The following KLHL18 variants were observed in gnomAD, a reference collection of about 807,000 sequenced individuals.
KLHL18 encodes the protein kelch like family member 18, also known as kelch-like protein 18.
KLHL18 carries 38 observed loss-of-function variants against 58.5 expected under a neutral mutation model. That is an observed-to-expected ratio of 0.65 (90% CI 0.50 to 0.85). KLHL18 has a LOEUF of 0.85. Ranked by LOEUF, KLHL18 falls within the 40% of genes least tolerant of loss-of-function variation. The pLI, the probability that KLHL18 is intolerant of heterozygous loss-of-function variation, is 0.00. For missense variants in KLHL18, 624 were observed against 778.4 expected, an observed-to-expected ratio of 0.80 and a Z score of 2.36; for synonymous variants, 303 against 301.9, an observed-to-expected ratio of 1.00 and a Z score of -0.04.
intron 1 of KLHL18, 21 bp downstream of exon 1, chr3:47,283,115 G>C: frequency 6.4e-7 from 1 of 1,560,112 alleles, no homozygotes; most frequent in Non-Finnish European, 8.7e-7. Context: ...CTGGGCGGCA[G>C]CGGGCTGAGG....
intron 8 of KLHL18, among the ~76,000 whole-genome samples, chr3:47,340,998 G>A (rs1704097514): frequency 1.3e-5 from 2 of 152,084 alleles, no homozygotes; most frequent in Non-Finnish European, 2.9e-5. Context: ...GTTCCAAAGT[G>A]GGTAGGATAT....
Position 47,329,976 on chromosome 3 carries a change from G to T in KLHL18, c.427G>T (p.Val143Leu), listed in dbSNP as rs370188377. ...ERLHPKNCLG[V>L]RQFAETMMCA... is the part of the protein sequence containing the mutation. Reference sequence around the variant, plus strand: ...GCTTCACCCAAAAAACTGCCTGGGTGTGCGCCAGTTTGCTGAGACAATGAT... The same window carrying T: ...GCTTCACCCAAAAAACTGCCTGGGTTTGCGCCAGTTTGCTGAGACAATGAT... Residue 143 changes from valine (V) to leucine (L), a missense_variant, in exon 4 of 10, where the codon GTG becomes TTG. Transcript: ENST00000232766. The T allele has an allele frequency of 6.2e-7, 1 of 1,614,038 alleles. No individual in the cohort carries two copies. The highest frequency in any genetic ancestry group is 8.5e-7 in the Non-Finnish European group (1 of 1,180,018).
chr3:47,316,365 G>C (rs1703421591), intron 1 of KLHL18, among the ~76,000 whole-genome samples: 1 of 151,452 alleles, frequency 6.6e-6, no homozygotes, highest in Non-Finnish European at 1.5e-5. Flanking sequence ...ACTCACGCCT[G>C]TAATCCCAGC....
At chr3:47,340,301 G>A (rs1236882737) in intron 7 of KLHL18, among the ~76,000 whole-genome samples, 1 of 152,104 alleles carries the variant, frequency 6.6e-6, no homozygotes, top group African/African-American at 2.4e-5. Flanking sequence ...AGGTAAATTC[G>A]ACCTTCACAT....
intron 1 of KLHL18, among the ~76,000 whole-genome samples, chr3:47,286,784 G>A (rs1444163245): frequency 6.6e-6 from 1 of 152,196 alleles, no homozygotes; most frequent in African/African-American, 2.4e-5. Context: ...TATAAGCCTG[G>A]CTGTTATTTT....
chr3:47,329,597 C>T (rs546577339), intron 3 of KLHL18, among the ~76,000 whole-genome samples: 1 of 152,218 alleles, frequency 6.6e-6, no homozygotes, highest in South Asian at 2.1e-4. Flanking sequence ...GAGATAATGC[C>T]CTGGACACTC....
rs746645415 is a variant in KLHL18 at position 47,283,011 on chromosome 3, T to A, written c.46T>A (p.Ser16Thr). ...AEELEDLVHF[S>T]VSELPSRGYG... ...GGAGCTGGAGGATCTGGTGCACTTC[T>A]CCGTGTCTGAGTTGCCTAGTCGCGG... Residue 16 changes from serine (S) to threonine (T), a missense_variant, in exon 1 of 10, where the codon TCC (serine) becomes ACC (threonine). Transcript: ENST00000232766. 6.2e-7 allele frequency: 1 copy of A among 1,610,498 alleles called. No individual in the cohort carries two copies. Among genetic ancestry groups the A allele is most frequent in the Admixed American group, 1.7e-5 (1 of 59,498 alleles).
chr3:47,293,454 T>C (rs2107581969), intron 1 of KLHL18, among the ~76,000 whole-genome samples: 1 of 152,332 alleles, frequency 6.6e-6, no homozygotes, highest in East Asian at 1.9e-4. Flanking sequence ...TTTCCTACTC[T>C]TTATTTTTGT....
intron 1 of KLHL18, chr3:47,287,140 C>T (rs1462527667): frequency 1.3e-5 from 2 of 152,072 alleles, no homozygotes; most frequent in Non-Finnish European, 1.5e-5. Context: ...TTCTTTTCTT[C>T]TTCTAAAATT....
intron 7 of KLHL18, chr3:47,337,134 A>G: frequency 4.4e-6 from 1 of 226,162 alleles, no homozygotes; most frequent in South Asian, 6.8e-5. Context: ...AATAAGGAGG[A>G]TTTACCTTTA....
At position 47,334,680 on chromosome 3, in the gene KLHL18, T is replaced by C; in HGVS notation, c.762-3T>C. The C allele has an allele frequency of 6.2e-7, 1 of 1,614,068 alleles. No individual in the cohort carries two copies. Among genetic ancestry groups the C allele is most frequent in the Non-Finnish European group, 8.5e-7 (1 of 1,179,970 alleles). ...TGTTCTAGCATCTTCCACCTTATTC[T>C]AGGGACCTGGTAGACGAAGCAAAGG... On this transcript the variant is annotated splice_polypyrimidine_tract_variant and splice_region_variant and intron_variant, in intron 5 of 9. Transcript: ENST00000232766. The surrounding 1 kb of genome is among the most constrained non-coding windows in gnomAD (Gnocchi z 4.7).
chr3:47,324,679 A>T (rs548097242), intron 3 of KLHL18, among the ~76,000 whole-genome samples: 46 of 151,910 alleles, frequency 3.0e-4, no homozygotes, highest in Admixed American at 3.9e-4. Flanking sequence ...CAAAAAAAAA[A>T]TTTTTTTAAT....
chr3:47,289,058 A>G (rs994687544), intron 1 of KLHL18, among the ~76,000 whole-genome samples: 2 of 152,070 alleles, frequency 1.3e-5, no homozygotes, highest in African/African-American at 2.4e-5. Flanking sequence ...TTTTTCCCCT[A>G]TGCTTCTGTA....
In KLHL18 at chr3:47,343,760, G is replaced by A. The variant is rs1187276685; in HGVS notation, c.1544G>A (p.Ser515Asn). ...ATTGTCCCCATGCACACGCGCAGGA[G>A]CCGGGTCTCCCTGGTGGCCAGCTGT... ...CLIVPMHTRR[S>N]RVSLVASCGR... Residue 515 changes from serine to asparagine, a missense_variant, in exon 10 of 10, where the codon AGC (serine) becomes AAC (asparagine). Ser to Asn is a conservative substitution (Grantham distance 46). Coordinates refer to ENST00000232766, the MANE Select transcript of KLHL18 (RefSeq NM_025010.5). The A allele has an allele frequency of 6.2e-7, 1 of 1,614,236 alleles. No homozygotes were observed. The highest frequency in any genetic ancestry group is 8.5e-7 in the Non-Finnish European group (1 of 1,180,048).
chr3:47,291,910 C>G (rs760981364), intron 1 of KLHL18, among the ~76,000 whole-genome samples: 3 of 152,190 alleles, frequency 2.0e-5, no homozygotes, highest in African/African-American at 7.2e-5. Flanking sequence ...AAAGCCTTCA[C>G]GCTCTGCTGG....
At chr3:47,326,463 C>T (rs1035036659) in intron 3 of KLHL18, among the ~76,000 whole-genome samples, 4 of 152,104 alleles carry the variant, frequency 2.6e-5, no homozygotes, top group African/African-American at 9.7e-5. Flanking sequence ...CTCCATCAAC[C>T]CTGTAGCTGT....
chr3:47,299,067 A>G (rs1702956667), intron 1 of KLHL18, among the ~76,000 whole-genome samples: 1 of 152,230 alleles, frequency 6.6e-6, no homozygotes, highest in Admixed American at 6.5e-5. Flanking sequence ...ATTTTATGTC[A>G]TACAGTTTGT....
At chr3:47,336,805 GGGAGCGCCATGCTAGACGA>G (rs1218409240) in intron 7 of KLHL18, 48 bp downstream of exon 7, 1 of 1,460,796 alleles carries the variant, frequency 6.8e-7, no homozygotes, top group African/African-American at 1.4e-5. Flanking sequence ...TGAGCACCTG[GGGAGCGCCATGCTAGACGA>G]GCAGGGGCAC....
In KLHL18 at chr3:47,345,953, TGGGCTCGTGGTA is replaced by T. The variant is rs1341230328; in HGVS notation, c.*2019_*2030del. The T allele has an allele frequency of 6.6e-6, 1 of 152,528 alleles. No individual in the cohort carries two copies. The highest frequency in any genetic ancestry group is 1.5e-5 in the Non-Finnish European group (1 of 67,996). The allele number at this position is 152,528 out of a possible 1,614,324, so 9.4% of individuals were successfully genotyped here. ...ATCTGATATCGGATGTCGTTTAACC[TGGGCTCGTGGTA>T]GGGCTCCAGCATTTCTCCCTCCTTC... On this transcript the variant is annotated 3_prime_UTR_variant, in exon 10 of 10. Coordinates refer to ENST00000232766, the MANE Select transcript of KLHL18 (RefSeq NM_025010.5).
Sources: gnomAD v4.1 joint callset for allele counts (sites outside exome capture counted in the v4.1 genomes callset) on GRCh38, gnomAD v4.1.1 for gene constraint, Gnocchi (gnomAD v3.1) non-coding constraint, MANE v1.5 for transcripts, NCBI Gene and HGNC (gene_info 2026-07-23, HGNC 2026-07-21) for gene names.